Variants in PTPRE observed in about 807,000 individuals in gnomAD.
PTPRE encodes receptor-type tyrosine-protein phosphatase epsilon.
PTPRE carries 51 observed loss-of-function variants against 102.0 expected under a neutral mutation model. The observed-to-expected ratio is 0.50, with a 90% CI of 0.40 to 0.63. The LOEUF (loss-of-function observed/expected upper bound fraction) is 0.63. PTPRE is among the 30% of genes least tolerant of loss of function. PTPRE has a pLI of 0.00. For missense variants in PTPRE, 752 were observed against 915.1 expected (o/e 0.82, Z 2.30); for synonymous variants, 345 against 348.2 (o/e 0.99, Z 0.10).
Position 127,984,269 on chromosome 10 carries a change from C to T in PTPRE, c.-8+1973C>T, listed in dbSNP as rs556352892. On this transcript the variant is annotated intron_variant, in intron 2 of 20. Transcript: ENST00000254667. ...GCTAATTTTGTATTTTTAGTAGAGACGGGGTTTCTGCATATTGGTCAGGCT... is the reference window on the plus strand; with the variant it reads ...GCTAATTTTGTATTTTTAGTAGAGATGGGGTTTCTGCATATTGGTCAGGCT... 5.9e-5 allele frequency among the ~76,000 whole-genome samples: 9 copies of T among 151,796 alleles called. No homozygotes were observed. In the East Asian group the frequency reaches 1.6e-3, roughly 26 times the overall value.
In PTPRE at chr10:127,907,179, G is replaced by A; in HGVS notation, c.-161G>A. The A allele has an allele frequency of 1.2e-6, 1 of 848,486 alleles. No individual in the cohort carries two copies. Among genetic ancestry groups the A allele is most frequent in the Non-Finnish European group, 1.4e-6 (1 of 705,724 alleles). The allele number at this position is 848,486 out of a possible 1,614,324, so 52.6% of individuals were successfully genotyped here. A position where few individuals can be genotyped will look rare whatever the true frequency, so the allele number is the denominator to read the frequency against. The stretch of plus-strand genomic sequence containing the variant: ...GCGGCTTCAGGAACCCACGGCCTCT[G>A]CGCGTCCCCGCGACCCTTCTTCGCG... On this transcript the variant is annotated 5_prime_UTR_variant, in exon 1 of 21. Coordinates refer to ENST00000254667, the MANE Select transcript of PTPRE (RefSeq NM_006504.6). This position sits in a 1 kb window ranked among gnomAD's most constrained non-coding sequence, Gnocchi z 4.8.
At chr10:127,961,377 G>T (rs981080061) in intron 1 of PTPRE, among the ~76,000 whole-genome samples, 1 of 150,914 alleles carries the variant, frequency 6.6e-6, no homozygotes, top group Non-Finnish European at 1.5e-5. Context: ...CCAGCACAGA[G>T]AATTGAAAAG....
intron 2 of PTPRE, among the ~76,000 whole-genome samples, chr10:127,982,529 T>A (rs184257479): frequency 9.8e-4 from 142 of 145,188 alleles, no homozygotes; most frequent in Admixed American, 7.6e-3. Flanking sequence ...TGTGTGTGTG[T>A]GAAATTTGGC....
chr10:128,035,417 G>A lies in PTPRE; in HGVS notation c.-7-5458G>A, dbSNP rs75486907. On this transcript the variant is annotated intron_variant, in intron 2 of 20. Coordinates refer to ENST00000254667, the MANE Select transcript of PTPRE (RefSeq NM_006504.6). ...AAATCATTGGTCAATAAATGTTTTA[G>A]AGAAGCATATATTTTGAATCATTTT... is the stretch of plus-strand genomic sequence containing the variant. 4.3e-4 allele frequency among the ~76,000 whole-genome samples: 65 copies of A among 152,272 alleles called. No individual in the cohort carries two copies. The East Asian group carries it at 0.012, about 28-fold the overall frequency.
chr10:128,007,610 C>G (rs1440584197), intron 2 of PTPRE, among the ~76,000 whole-genome samples: 1 of 152,150 alleles, frequency 6.6e-6, no homozygotes, highest in African/African-American at 2.4e-5. Flanking sequence ...GAGCTATGAC[C>G]CTGGAGATGT....
chr10:127,934,864 G>C (rs867497600), intron 1 of PTPRE: 1 of 152,264 alleles, frequency 6.6e-6, no homozygotes, highest in Non-Finnish European at 1.5e-5. Flanking sequence ...GGCCTCAGGA[G>C]GTGGGTTCCC....
chr10:128,074,488 A>C (rs1394163284), intron 17 of PTPRE, among the ~76,000 whole-genome samples: 9 of 152,218 alleles, frequency 5.9e-5, no homozygotes, highest in African/African-American at 1.9e-4. Flanking sequence ...CAACATGGCA[A>C]AACCCCGCTT....
At chr10:128,075,955 T>C (rs1388037504) in intron 17 of PTPRE, among the ~76,000 whole-genome samples, 1 of 152,236 alleles carries the variant, frequency 6.6e-6, no homozygotes, top group Non-Finnish European at 1.5e-5. Flanking sequence ...TTTATTGGTT[T>C]TATGTATTGC....
chr10:127,976,952 C>T (rs773213499), intron 1 of PTPRE, among the ~76,000 whole-genome samples: 3 of 152,174 alleles, frequency 2.0e-5, no homozygotes, highest in African/African-American at 4.8e-5. Flanking sequence ...CAGAGACAGC[C>T]GCAGGGGCCG....
At chr10:127,941,962 A>G (rs1265957645) in intron 1 of PTPRE, among the ~76,000 whole-genome samples, 1 of 152,128 alleles carries the variant, frequency 6.6e-6, no homozygotes, top group African/African-American at 2.4e-5. Flanking sequence ...AGACTGTGTC[A>G]CTGGTAAGGG....
chr10:128,014,820 C>T (rs770925243), intron 2 of PTPRE, among the ~76,000 whole-genome samples: 1 of 152,078 alleles, frequency 6.6e-6, no homozygotes, highest in Admixed American at 6.6e-5. Context: ...AAACCCAAAC[C>T]CTGTGGCTGG....
chr10:128,011,444 T>C (rs1845001288), intron 2 of PTPRE, among the ~76,000 whole-genome samples: 1 of 152,140 alleles, frequency 6.6e-6, no homozygotes, highest in Non-Finnish European at 1.5e-5. Context: ...GTTAGGAAGG[T>C]TCTGAGCGTG....
chr10:127,923,907 A>G (rs1357465616), intron 1 of PTPRE, among the ~76,000 whole-genome samples: 1 of 152,162 alleles, frequency 6.6e-6, no homozygotes, highest in Non-Finnish European at 1.5e-5. Context: ...TGGGAGTGCT[A>G]CTTTTCCATG....
intron 1 of PTPRE, among the ~76,000 whole-genome samples, chr10:127,959,267 A>G (rs1849628258): frequency 1.3e-5 from 2 of 152,190 alleles, no homozygotes; most frequent in Admixed American, 1.3e-4. Context: ...GGGAGTGGAG[A>G]AAAACAGTGC....
intron 1 of PTPRE, among the ~76,000 whole-genome samples, chr10:127,930,472 C>G (rs78904536): frequency 4.6e-5 from 7 of 152,184 alleles, no homozygotes; most frequent in Admixed American, 2.6e-4. Flanking sequence ...GGCTGAGTAG[C>G]ATTCTGTTGT....
chr10:128,002,311 G>A (rs1854003615), intron 2 of PTPRE, among the ~76,000 whole-genome samples: 2 of 152,182 alleles, frequency 1.3e-5, no homozygotes, highest in South Asian at 2.1e-4. Context: ...AGGAGGAAGT[G>A]GGCAAGGACA....
chr10:128,054,859 T>C (rs182766301), intron 6 of PTPRE, among the ~76,000 whole-genome samples: 2 of 152,250 alleles, frequency 1.3e-5, no homozygotes, highest in Admixed American at 1.3e-4. Flanking sequence ...AGGCCTGCTC[T>C]GCTCTCCTGG....
intron 1 of PTPRE, among the ~76,000 whole-genome samples, chr10:127,908,708 C>T (rs982502729): frequency 3.3e-5 from 5 of 152,202 alleles, no homozygotes; most frequent in Non-Finnish European, 7.3e-5. Flanking sequence ...AGAGGCCTGA[C>T]GTACCACCCA....
intron 1 of PTPRE, among the ~76,000 whole-genome samples, chr10:127,958,838 A>T (rs928306512): frequency 6.0e-5 from 9 of 149,990 alleles, no homozygotes; most frequent in Non-Finnish European, 1.0e-4. Flanking sequence ...GTTTTAGAAG[A>T]TTATTAATTA....
Sources: allele counts gnomAD v4.1 joint callset (sites outside exome capture counted in the v4.1 genomes callset), GRCh38; gene constraint gnomAD v4.1.1; non-coding constraint Gnocchi (gnomAD v3.1); transcripts MANE v1.5; gene names NCBI Gene and HGNC (gene_info 2026-07-23, HGNC 2026-07-21).